Variants in TP53INP1 observed in about 807,000 individuals in gnomAD.
TP53INP1 encodes the protein tumor protein p53 inducible nuclear protein 1, also known as tumor protein p53-inducible nuclear protein 1.
In TP53INP1, 12 loss-of-function variants were observed where a neutral mutation model predicts 21.0. That is an observed-to-expected ratio of 0.57 (90% CI 0.37 to 0.93). The LOEUF is 0.93. TP53INP1 is among the 40% of genes least tolerant of loss of function. TP53INP1 has a pLI of 0.01. For synonymous variants in TP53INP1, 91 were observed against 94.8 expected (o/e 0.96, Z 0.23); for missense variants, 274 against 294.7 (o/e 0.93, Z 0.51).
chr8:94,943,716 C>T (rs1261984665), intron 1 of TP53INP1, among the ~76,000 whole-genome samples: 1 of 152,196 alleles, frequency 6.6e-6, no homozygotes, highest in African/African-American at 2.4e-5. Context: ...GTTTGGCACA[C>T]TACTACACAA....
intron 1 of TP53INP1, among the ~76,000 whole-genome samples, chr8:94,946,382 G>A (rs1009657052): frequency 6.6e-6 from 1 of 152,006 alleles, no homozygotes; most frequent in African/African-American, 2.4e-5. Flanking sequence ...AGCCCACCAA[G>A]AGGCAGTATA....
At chr8:94,931,514 T>C (rs532780681) in intron 3 of TP53INP1, among the ~76,000 whole-genome samples, 21 of 152,278 alleles carry the variant, frequency 1.4e-4, no homozygotes, top group African/African-American at 4.8e-4. Flanking sequence ...GTATGATTTT[T>C]AAGAGTTATT....
intron 1 of TP53INP1, among the ~76,000 whole-genome samples, chr8:94,946,719 A>AAAAAAAAAAAAAAAAAAAAAAAAAAAAC (rs1563736851): frequency 6.7e-6 from 1 of 149,378 alleles, no homozygotes; most frequent in African/African-American, 2.5e-5. Context: ...AAAAAAAAAA[A>AAAAAAAAAAAAAAAAAAAAAAAAAAAAC]AGACAGGCCC....
At chr8:94,946,851 A>G (rs959940391) in intron 1 of TP53INP1, among the ~76,000 whole-genome samples, 1 of 152,098 alleles carries the variant, frequency 6.6e-6, no homozygotes, top group African/African-American at 2.4e-5. Context: ...TACCTACTTC[A>G]CAGTGCCAGT....
rs1820109076 is a variant in TP53INP1, at chr8:94,928,646, A to C, written c.*1833T>G. 6.6e-6 allele frequency: 1 copy of C among 152,314 alleles called. No homozygotes were observed. Among genetic ancestry groups the C allele is most frequent in the African/African-American group, 2.4e-5 (1 of 41,450 alleles). 9.4% of individuals were successfully genotyped at this position (152,314 alleles called of 1,614,324 possible). A position where few individuals can be genotyped will look rare whatever the true frequency, so the allele number is the denominator to read the frequency against. On this transcript the variant is annotated 3_prime_UTR_variant, in exon 4 of 4. Coordinates refer to ENST00000342697, the MANE Select transcript of TP53INP1 (RefSeq NM_033285.4). ...GGGGAATCTAACTCTTGTTCTAAAG[A>C]GACATTCTGGCACTTCATCACAGCC...
At chr8:94,936,862 A>T (rs779901977) in intron 3 of TP53INP1, among the ~76,000 whole-genome samples, 25 of 152,078 alleles carry the variant, frequency 1.6e-4, no homozygotes, top group Non-Finnish European at 1.9e-4. Context: ...GCATCTAGAC[A>T]TTCCTCTTCT....
rs11991800 is a variant in TP53INP1 at position 94,940,110 on chromosome 8, A to G, written c.223T>C (p.Cys75Arg). 8.9e-4 allele frequency: 1,429 copies of G among 1,614,202 alleles called. 8 individuals carry two copies. The African/African-American group carries it at 0.016, about 18-fold the overall frequency. The change falls in exon 3 of 4, where the codon TGC (cysteine) becomes CGC (arginine). Residue 75 changes from cysteine to arginine, a missense_variant. Coordinates refer to ENST00000342697, the MANE Select transcript of TP53INP1 (RefSeq NM_033285.4). ...VFSCLPASLE[C>R]LADTSDSCFL... ...CAGGAATCACTTGTATCAGCCAAGCACTCAAGAGATGCCGGTAAACAGGAA... is the reference window on the plus strand; with the variant it reads ...CAGGAATCACTTGTATCAGCCAAGCGCTCAAGAGATGCCGGTAAACAGGAA...
chr8:94,932,433 A>G (rs142381566), intron 3 of TP53INP1, among the ~76,000 whole-genome samples: 265 of 152,366 alleles, frequency 1.7e-3, no homozygotes, highest in African/African-American at 6.2e-3. Context: ...CTAAGAAAAC[A>G]GATATTTACT....
At chr8:94,935,812 GT>G (rs990293866) in intron 3 of TP53INP1, among the ~76,000 whole-genome samples, 5 of 152,228 alleles carry the variant, frequency 3.3e-5, no homozygotes, top group African/African-American at 1.2e-4. Flanking sequence ...ACGTAAAGAA[GT>G]TATATCCCCT....
At chr8:94,936,804 C>G (rs894161466) in intron 3 of TP53INP1, among the ~76,000 whole-genome samples, 2 of 152,134 alleles carry the variant, frequency 1.3e-5, no homozygotes, top group African/African-American at 4.8e-5. Flanking sequence ...CTGGAGGTGC[C>G]ATCCTGGGTT....
chr8:94,930,509 A>AT lies in TP53INP1; in HGVS notation c.692dup (p.His231GlnfsTer70). On this transcript the variant is annotated frameshift_variant, in exon 4 of 4. Coordinates refer to ENST00000342697, the MANE Select transcript of TP53INP1 (RefSeq NM_033285.4). LOFTEE classifies it high-confidence loss of function. Reference sequence around the variant, plus strand: ...AATTGTACTGACGCGGGCAGGGCTGATGAACAACCCAGCCATTGTGCTTGA... The same window carrying AT: ...AATTGTACTGACGCGGGCAGGGCTGATTGAACAACCCAGCCATTGTGCTTGA... 1 of 1,614,262 alleles carries AT rather than the reference A, an allele frequency of 6.2e-7. No homozygotes were observed. The highest frequency in any genetic ancestry group is 8.5e-7 in the Non-Finnish European group (1 of 1,180,054).
At position 94,928,401 on chromosome 8, in the gene TP53INP1, T is replaced by C. The variant is rs959972891; in HGVS notation, c.*2078A>G. 1 of 152,352 alleles carries C rather than the reference T, an allele frequency of 6.6e-6. No homozygotes were observed. The highest frequency in any genetic ancestry group is 1.5e-5 in the Non-Finnish European group (1 of 68,052). The allele number at this position is 152,352 out of a possible 1,614,324, so 9.4% of individuals were successfully genotyped here. ...GTTTTACATCCTGAAGACATTAAGCTGGTCTATTTTCAAGTTACCAATGCA... is the reference window on the plus strand; with the variant it reads ...GTTTTACATCCTGAAGACATTAAGCCGGTCTATTTTCAAGTTACCAATGCA... On this transcript the variant is annotated 3_prime_UTR_variant, in exon 4 of 4. Coordinates refer to ENST00000342697, the MANE Select transcript of TP53INP1 (RefSeq NM_033285.4).
chr8:94,940,880 G>A lies in TP53INP1; in HGVS notation c.62C>T (p.Pro21Leu). Reference sequence around the variant, plus strand: ...ATCATCTTCTTTCTCATTGAATTCTGGTTCTTGGTTGGAGGAAGAACTGAC... The same window carrying A: ...ATCATCTTCTTTCTCATTGAATTCTAGTTCTTGGTTGGAGGAAGAACTGAC... ...GEVSSSSNQE[P>L]EFNEKEDDEW... The change falls in exon 2 of 4, where the codon CCA (proline) becomes CTA (leucine). Residue 21 changes from proline (P) to leucine (L), a missense_variant. Transcript: ENST00000342697. 1 of 1,613,612 alleles carries A rather than the reference G, an allele frequency of 6.2e-7. No individual in the cohort carries two copies. The highest frequency in any genetic ancestry group is 8.5e-7 in the Non-Finnish European group (1 of 1,179,820).
Position 94,929,699 on chromosome 8 carries a change from T to C in TP53INP1, c.*780A>G, listed in dbSNP as rs564955198. On this transcript the variant is annotated 3_prime_UTR_variant, in exon 4 of 4. Transcript: ENST00000342697. ...CGGGAAGGAATAGTAACAAATTAAATACTGCACTAATGGGTTAGTTACAGA... is the reference window on the plus strand; with the variant it reads ...CGGGAAGGAATAGTAACAAATTAAACACTGCACTAATGGGTTAGTTACAGA... 2.6e-5 allele frequency: 4 copies of C among 152,344 alleles called. No individual in the cohort carries two copies. The South Asian group carries it at 8.3e-4, about 32-fold the overall frequency. 9.4% of individuals were successfully genotyped at this position (152,344 alleles called of 1,614,324 possible). A position where few individuals can be genotyped will look rare whatever the true frequency, so the allele number is the denominator to read the frequency against.
chr8:94,948,357 G>A (rs536004179), intron 1 of TP53INP1, among the ~76,000 whole-genome samples: 3 of 152,178 alleles, frequency 2.0e-5, no homozygotes, highest in Non-Finnish European at 2.9e-5. Context: ...ATCAACTGGG[G>A]CGATAAAGCA....
At chr8:94,949,092 G>A (rs1822299766) in intron 1 of TP53INP1, 62 bp downstream of exon 1, 1 of 148,338 alleles carries the variant, frequency 6.7e-6, no homozygotes, top group Non-Finnish European at 1.5e-5. Context: ...GCAGCGCTGC[G>A]GCCCCAACCG....
chr8:94,936,552 TC>T (rs1820995393), intron 3 of TP53INP1, among the ~76,000 whole-genome samples: 1 of 152,180 alleles, frequency 6.6e-6, no homozygotes, highest in South Asian at 2.1e-4. Flanking sequence ...CACGCTGTTT[TC>T]CTAGCGATGA....
chr8:94,940,299 A>G, intron 2 of TP53INP1, 79 bp from the exon 3 acceptor site: 2 of 1,479,368 alleles, frequency 1.4e-6, no homozygotes, highest in Non-Finnish European at 1.8e-6. Flanking sequence ...TTGGGCAGTC[A>G]TTATAAAGTC....
At chr8:94,945,375 A>T (rs1264178156) in intron 1 of TP53INP1, 1 of 152,244 alleles carries the variant, frequency 6.6e-6, no homozygotes, top group African/African-American at 2.4e-5. Context: ...TTAGTATATT[A>T]AATACATTAA....
Sources: gnomAD v4.1 joint callset for allele counts (sites outside exome capture counted in the v4.1 genomes callset) on GRCh38, gnomAD v4.1.1 for gene constraint, MANE v1.5 for transcripts, NCBI Gene and HGNC (gene_info 2026-07-23, HGNC 2026-07-21) for gene names.